Variants in XPOT observed in about 807,000 individuals in gnomAD.
The protein encoded by XPOT is exportin-T.
A neutral mutation model predicts 128.2 loss-of-function variants in XPOT; 34 were observed. The observed-to-expected ratio is 0.27, with a 90% confidence interval of 0.20 to 0.35. The LOEUF is 0.35. Ranked by LOEUF, XPOT falls within the 10% of genes least tolerant of loss-of-function variation. The probability of loss-of-function intolerance (pLI) is 1.00; values close to 1 mark genes in which losing one functional copy is unlikely to be tolerated. For synonymous variants in XPOT, 348 were observed against 394.3 expected (o/e 0.88, Z 1.39); for missense variants, 838 against 1,125.3 (o/e 0.74, Z 3.65).
chr12:64,438,628 ATT>A (rs1186531452), intron 22 of XPOT, among the ~76,000 whole-genome samples: 42 of 140,678 alleles, frequency 3.0e-4, no homozygotes, highest in Admixed American at 6.4e-4. Context: ...AGATACATTG[ATT>A]TTTTTTTTTT....
At position 64,425,020 on chromosome 12, in the gene XPOT, C is replaced by T; in HGVS notation, c.1308-18C>T. ...AAAATTTATCTTTAAATCTCACTGACATATTATACCTTGGTAGGAATTGGC... is the reference window on the plus strand; with the variant it reads ...AAAATTTATCTTTAAATCTCACTGATATATTATACCTTGGTAGGAATTGGC... On this transcript the variant is annotated intron_variant, in intron 12 of 24. Coordinates refer to ENST00000332707, the MANE Select transcript of XPOT (RefSeq NM_007235.6). The T allele has an allele frequency of 1.9e-6, 3 of 1,611,820 alleles. No individual in the cohort carries two copies. The highest frequency in any genetic ancestry group is 2.5e-6 in the Non-Finnish European group (3 of 1,179,730).
intron 12 of XPOT, 130 bp downstream of exon 12, chr12:64,424,853 C>G (rs1592332139): frequency 7.3e-7 from 1 of 1,363,328 alleles, no homozygotes; most frequent in East Asian, 2.3e-5. Flanking sequence ...TCTCTGGAAA[C>G]AATGCACTTG....
intron 3 of XPOT, among the ~76,000 whole-genome samples, chr12:64,415,405 C>T (rs1045767743): frequency 1.5e-4 from 22 of 151,662 alleles, no homozygotes; most frequent in Non-Finnish European, 5.9e-5. Flanking sequence ...GATGGAGTCT[C>T]GCTTTGTCGC....
chr12:64,416,009 C>T (rs756036801), intron 3 of XPOT, among the ~76,000 whole-genome samples: 4 of 152,166 alleles, frequency 2.6e-5, no homozygotes, highest in Admixed American at 6.5e-5. Flanking sequence ...GAAATAGGAA[C>T]TCTCTTATAC....
chr12:64,414,841 GT>G, intron 2 of XPOT, 65 bp from the exon 3 acceptor site: 1 of 962,430 alleles, frequency 1.0e-6, no homozygotes. Flanking sequence ...AGAATATTTT[GT>G]TTATATTAGC....
chr12:64,434,935 C>T, intron 21 of XPOT, 26 bp downstream of exon 21: 1 of 1,568,470 alleles, frequency 6.4e-7, no homozygotes, highest in Non-Finnish European at 8.8e-7. Flanking sequence ...TCTTTGTTTA[C>T]CTTGTGTAGC....
intron 15 of XPOT, among the ~76,000 whole-genome samples, chr12:64,426,343 T>C (rs2040192583): frequency 6.7e-6 from 1 of 148,618 alleles, no homozygotes; most frequent in Admixed American, 6.7e-5. Flanking sequence ...ACATACATCA[T>C]GAAATACTAA....
rs779339738 is a variant in XPOT at position 64,410,032 on chromosome 12, G to A, written c.-4G>A. ...ACCAGAAAACTACAAGTATAACAGC[G>A]AGGATGGATGAACAGGCTCTATTAG... On this transcript the variant is annotated 5_prime_UTR_variant, in exon 2 of 25. Transcript: ENST00000332707. 13 of 1,613,530 alleles carry A rather than the reference G, an allele frequency of 8.1e-6. No individual in the cohort carries two copies. The Admixed American group carries it at 1.5e-4, about 19-fold the overall frequency.
At chr12:64,427,627 C>A (rs999861415) in intron 15 of XPOT, among the ~76,000 whole-genome samples, 1 of 151,990 alleles carries the variant, frequency 6.6e-6, no homozygotes, top group African/African-American at 2.4e-5. Context: ...CCCCTGAGCA[C>A]CTGGGACTAC....
intron 1 of XPOT, among the ~76,000 whole-genome samples, chr12:64,407,471 G>A (rs567533450): frequency 4.0e-5 from 6 of 148,202 alleles, no homozygotes; most frequent in African/African-American, 1.0e-4. Flanking sequence ...GGGCAACAGA[G>A]TGAGACTGTC....
intron 23 of XPOT, among the ~76,000 whole-genome samples, chr12:64,440,331 CTG>C (rs1263572147): frequency 6.6e-6 from 1 of 152,154 alleles, no homozygotes; most frequent in Admixed American, 6.5e-5. Flanking sequence ...TAACATGCCA[CTG>C]TATGTATATA....
At chr12:64,434,348 A>G (rs912360797) in intron 19 of XPOT, among the ~76,000 whole-genome samples, 159 bp from the exon 20 acceptor site, 3 of 152,242 alleles carry the variant, frequency 2.0e-5, no homozygotes, top group African/African-American at 7.2e-5. Flanking sequence ...ATAAAAATCA[A>G]GGGATTTTGG....
intron 23 of XPOT, among the ~76,000 whole-genome samples, chr12:64,441,750 T>C (rs1246407317): frequency 1.3e-5 from 2 of 152,172 alleles, no homozygotes. Flanking sequence ...AGAGGCACGA[T>C]CTTGGCTCAT....
intron 11 of XPOT, among the ~76,000 whole-genome samples, chr12:64,424,290 G>A (rs550341881): frequency 7.2e-5 from 11 of 152,182 alleles, no homozygotes; most frequent in African/African-American, 2.4e-4. Context: ...TGAGGTCTAC[G>A]GCTTTGTGCA....
chr12:64,428,172 C>T (rs760037598), intron 16 of XPOT, 52 bp downstream of exon 16: 15 of 1,252,814 alleles, frequency 1.2e-5, no homozygotes, highest in South Asian at 7.6e-5. Flanking sequence ...TGAAGCCACA[C>T]GTGCCATTAG....
chr12:64,408,363 C>T (rs933886157), intron 1 of XPOT, among the ~76,000 whole-genome samples: 7 of 152,206 alleles, frequency 4.6e-5, no homozygotes, highest in African/African-American at 1.4e-4. Context: ...CTGCCTCGGC[C>T]TCCCAAAGTG....
At chr12:64,418,806 T>C in intron 5 of XPOT, 70 bp from the exon 6 acceptor site, 1 of 1,445,338 alleles carries the variant, frequency 6.9e-7, no homozygotes, top group Non-Finnish European at 9.5e-7. Flanking sequence ...TGCCTTTTAA[T>C]AAGACAACTG....
chr12:64,448,021 G>A (rs1037014715), intron 24 of XPOT, 84 bp from the exon 25 acceptor site: 2 of 1,199,036 alleles, frequency 1.7e-6, no homozygotes, highest in African/African-American at 1.5e-5. Flanking sequence ...AACATTGCTA[G>A]CACTCAGATA....
rs748748032 is a variant in XPOT, at chr12:64,421,262, T to G, written c.871T>G (p.Phe291Val). 1.2e-6 allele frequency: 2 copies of G among 1,613,906 alleles called. No homozygotes were observed. Among genetic ancestry groups the G allele is most frequent in the Non-Finnish European group, 1.7e-6 (2 of 1,179,848 alleles). ...QEEDVDFLARFSKLVNGMGQS... is the reference protein window; with the variant it reads ...QEEDVDFLARVSKLVNGMGQS... ...AGAAGATGTTGACTTCCTGGCCAGA[T>G]TTTCTAAGTTGGTAAATGGAATGGG... The change falls in exon 9 of 25, where the codon TTT (phenylalanine) becomes GTT (valine). Residue 291 changes from phenylalanine (F) to valine (V), a missense_variant. Phe to Val is a conservative substitution (Grantham distance 50, BLOSUM62 -1). Transcript: ENST00000332707.
Sources: allele counts gnomAD v4.1 joint callset (sites outside exome capture counted in the v4.1 genomes callset), GRCh38; gene constraint gnomAD v4.1.1; transcripts MANE v1.5; gene names NCBI Gene and HGNC (gene_info 2026-07-23, HGNC 2026-07-21).